RXRA: variants seen among roughly 807,000 people sequenced by gnomAD.
The protein encoded by RXRA is retinoic acid receptor RXR-alpha.
A neutral mutation model predicts 44.5 loss-of-function variants in RXRA; 5 were observed. That is an observed-to-expected ratio of 0.11 (90% CI 0.06 to 0.24). RXRA has a LOEUF of 0.24. Among genes scored for constraint, RXRA ranks in the 10% least tolerant of loss-of-function variants. The pLI is 1.00. For missense variants in RXRA, 412 were observed against 646.5 expected (o/e 0.64, Z 3.93); for synonymous variants, 291 against 271.4 (o/e 1.07, Z -0.71).
At chr9:134,377,611 C>T (rs960644751) in intron 1 of RXRA, among the ~76,000 whole-genome samples, 1 of 152,254 alleles carries the variant, frequency 6.6e-6, no homozygotes, top group Non-Finnish European at 1.5e-5. Flanking sequence ...CAACTTCCCT[C>T]TCCGGGACCA....
chr9:134,360,439 G>A (rs1458170870), intron 1 of RXRA, among the ~76,000 whole-genome samples: 1 of 152,194 alleles, frequency 6.6e-6, no homozygotes, highest in Non-Finnish European at 1.5e-5. Flanking sequence ...GTGGCTGCAG[G>A]CGAGGCCCAT....
intron 9 of RXRA, among the ~76,000 whole-genome samples, chr9:134,436,249 C>T (rs941903126): frequency 3.9e-5 from 6 of 152,246 alleles, no homozygotes; most frequent in Non-Finnish European, 7.3e-5. Context: ...CAGGGATCTC[C>T]CTTCACTCTG....
At position 134,380,920 on chromosome 9, in the gene RXRA, C is replaced by T. The variant is rs369733003; in HGVS notation, c.29-20712C>T. ...TCTGCAGTAGAGACAGCAGAGCCCC[C>T]GGGAACCCCTCCCAGCAGCTGAGGG... is the stretch of plus-strand genomic sequence containing the variant. On this transcript the variant is annotated intron_variant, in intron 1 of 9. Coordinates refer to ENST00000481739, the MANE Select transcript of RXRA (RefSeq NM_002957.6). 4.3e-4 allele frequency among the ~76,000 whole-genome samples: 66 copies of T among 152,318 alleles called. No individual in the cohort carries two copies. In the East Asian group the frequency reaches 9.1e-3, roughly 21 times the overall value.
intron 1 of RXRA, among the ~76,000 whole-genome samples, chr9:134,381,349 C>G (rs1830642396): frequency 6.6e-6 from 1 of 152,110 alleles, no homozygotes; most frequent in Non-Finnish European, 1.5e-5. Context: ...TTAGCTAGTG[C>G]TGACCGCGCT....
chr9:134,417,256 G>C lies in RXRA; in HGVS notation c.709G>C (p.Glu237Gln). The C allele has an allele frequency of 6.2e-7, 1 of 1,613,944 alleles. No homozygotes were observed. Among genetic ancestry groups the C allele is most frequent in the Middle Eastern group, 1.7e-4 (1 of 6,060 alleles). Residue 237 changes from glutamate to glutamine, a missense_variant, in exon 5 of 10, where the codon GAG becomes CAG. This residue lies in a region of RXRA where 67 missense variants were observed against 78.7 expected (regional missense o/e 0.85). Transcript: ENST00000481739. The surrounding 1 kb of genome is among the most constrained non-coding windows in gnomAD (Gnocchi z 6.1). ...NEDMPVERIL[E>Q]AELAVEPKTE... is the part of the protein sequence containing the mutation. ...GGACATGCCGGTGGAGAGGATCCTG[G>C]AGGCTGAGCTGGCCGTGGAGCCCAA...
rs569109046 is a variant in RXRA, at chr9:134,407,877, G to C, written c.280-272G>C. On this transcript the variant is annotated intron_variant, in intron 2 of 9. Coordinates refer to ENST00000481739, the MANE Select transcript of RXRA (RefSeq NM_002957.6). The surrounding 1 kb of genome is among the most constrained non-coding windows in gnomAD (Gnocchi z 4.8). The stretch of plus-strand genomic sequence containing the variant: ...GCAAGCAGGGACCGCCCATGTGTTG[G>C]GGGGGGTGTTGAAGGTCCTTTTCCA... Among the ~76,000 whole-genome samples, 5 of 151,978 alleles carry C rather than the reference G, an allele frequency of 3.3e-5. No individual in the cohort carries two copies. Among genetic ancestry groups the C allele is most frequent in the Non-Finnish European group, 7.4e-5 (5 of 67,966 alleles).
rs1462783968 is a variant in RXRA at position 134,349,412 on chromosome 9, G to T, written c.28+22753G>T. Among the ~76,000 whole-genome samples, 1 of 152,194 alleles carries T rather than the reference G, an allele frequency of 6.6e-6. No homozygotes were observed. The highest frequency in any genetic ancestry group is 1.5e-5 in the Non-Finnish European group (1 of 68,028). The stretch of plus-strand genomic sequence containing the variant: ...CCTCTCCACGGGGAGCAGGAGGGAG[G>T]AGAGGGACAGGCTGGTGGGTCGGGG... On this transcript the variant is annotated intron_variant, in intron 1 of 9. Transcript: ENST00000481739. This position sits in a 1 kb window ranked among gnomAD's most constrained non-coding sequence, Gnocchi z 4.3.
intron 1 of RXRA, among the ~76,000 whole-genome samples, chr9:134,381,172 A>C (rs972117753): frequency 1.3e-5 from 2 of 152,118 alleles, no homozygotes; most frequent in African/African-American, 4.8e-5. Context: ...GAGGCCCTGG[A>C]GAGGGGGACC....
chr9:134,382,542 G>T (rs183633437), intron 1 of RXRA, among the ~76,000 whole-genome samples: 1,676 of 152,300 alleles, frequency 0.011, 21 homozygotes, highest in Non-Finnish European at 0.015. Flanking sequence ...AGAGGCTGGG[G>T]ACTGGACACC....
chr9:134,355,276 T>A (rs1455501373), intron 1 of RXRA, among the ~76,000 whole-genome samples: 1 of 152,186 alleles, frequency 6.6e-6, no homozygotes, highest in African/African-American at 2.4e-5. Context: ...GGCATGGGCA[T>A]CTCTGTGTCT....
intron 1 of RXRA, among the ~76,000 whole-genome samples, chr9:134,339,404 G>A (rs782603933): frequency 2.0e-5 from 3 of 152,260 alleles, no homozygotes; most frequent in Non-Finnish European, 2.9e-5. Context: ...GTGTGAGCCC[G>A]TGAGCCTGTG....
intron 1 of RXRA, among the ~76,000 whole-genome samples, chr9:134,332,298 C>T (rs1267482711): frequency 2.0e-5 from 3 of 152,160 alleles, no homozygotes; most frequent in Non-Finnish European, 2.9e-5. Context: ...ATTGGACCCC[C>T]GGGTCCCAGG....
At chr9:134,352,705 T>C (rs1830236343) in intron 1 of RXRA, among the ~76,000 whole-genome samples, 1 of 152,170 alleles carries the variant, frequency 6.6e-6, no homozygotes, top group African/African-American at 2.4e-5. Flanking sequence ...TGCCTGGGAC[T>C]ATCTGGGGCG....
rs1831705506 is a variant in RXRA, at chr9:134,440,065, GAA to G, written c.*3454_*3455del. 6.6e-6 allele frequency: 1 copy of G among 151,932 alleles called. No homozygotes were observed. Among genetic ancestry groups the G allele is most frequent in the Non-Finnish European group, 1.5e-5 (1 of 67,956 alleles). The allele number at this position is 151,932 out of a possible 1,614,324, so 9.4% of individuals were successfully genotyped here. ...ATCCATAAAGAGAGTAAAGATAAGA[GAA>G]AATGTCTAAAGCATCTGGAAAGGTA... On this transcript the variant is annotated 3_prime_UTR_variant, in exon 10 of 10. Coordinates refer to ENST00000481739, the MANE Select transcript of RXRA (RefSeq NM_002957.6).
intron 1 of RXRA, among the ~76,000 whole-genome samples, chr9:134,364,207 C>T (rs1362054666): frequency 6.6e-6 from 1 of 152,320 alleles, no homozygotes; most frequent in African/African-American, 2.4e-5. Flanking sequence ...CACAGCGTCA[C>T]GTGTAAGGTC....
intron 2 of RXRA, 92 bp downstream of exon 2, chr9:134,401,974 T>C (rs1830969937): frequency 3.7e-6 from 4 of 1,076,790 alleles, no homozygotes; most frequent in African/African-American, 1.6e-5. Context: ...TTGAGGCCTC[T>C]GGGAGGTAGG....
At chr9:134,350,546 GCCCC>G (rs1830208752) in intron 1 of RXRA, among the ~76,000 whole-genome samples, 1 of 152,222 alleles carries the variant, frequency 6.6e-6, no homozygotes, top group Non-Finnish European at 1.5e-5. Context: ...GGCACAGCAG[GCCCC>G]AGACGATGCC....
At position 134,417,453 on chromosome 9, in the gene RXRA, G is replaced by A; in HGVS notation, c.780+126G>A. On this transcript the variant is annotated intron_variant, in intron 5 of 9. Transcript: ENST00000481739. This position sits in a 1 kb window ranked among gnomAD's most constrained non-coding sequence, Gnocchi z 6.1. ...GGGGGCTGCCCTGGGCCCTGTGGCT[G>A]CCTCAGCTCGGCCTCTTACCTGAGG... The A allele has an allele frequency of 8.7e-7, 1 of 1,143,922 alleles. No individual in the cohort carries two copies. The highest frequency in any genetic ancestry group is 1.2e-6 in the Non-Finnish European group (1 of 817,324). 70.9% of individuals were successfully genotyped at this position (1,143,922 alleles called of 1,614,324 possible).
chr9:134,369,395 G>A (rs1830463543), intron 1 of RXRA, among the ~76,000 whole-genome samples: 1 of 119,218 alleles, frequency 8.4e-6, no homozygotes, highest in Non-Finnish European at 1.7e-5. Flanking sequence ...GGAGTACAGG[G>A]GTTGTGTGTG....
Sources: gnomAD v4.1 joint callset for allele counts (sites outside exome capture counted in the v4.1 genomes callset) on GRCh38, gnomAD v4.1.1 for gene constraint, gnomAD v4.1.1 regional missense constraint, Gnocchi (gnomAD v3.1) non-coding constraint, MANE v1.5 for transcripts, NCBI Gene and HGNC (gene_info 2026-07-23, HGNC 2026-07-21) for gene names.